Variants in ADH1C observed in about 807,000 individuals in gnomAD.
ADH1C encodes the protein alcohol dehydrogenase 1C (class I), gamma polypeptide.
ADH1C carries 26 observed loss-of-function variants against 35.0 expected under a neutral mutation model. The observed-to-expected ratio is 0.74, with a 90% CI of 0.54 to 1.03. The LOEUF (loss-of-function observed/expected upper bound fraction) is 1.03, where lower values mean the gene tolerates loss of function less well. ADH1C is among the 50% of genes least tolerant of loss of function. ADH1C has a pLI of 0.00. For missense variants in ADH1C, 413 were observed against 465.4 expected (o/e 0.89, Z 1.04); for synonymous variants, 170 against 169.3 (o/e 1.00, Z -0.03).
intron 1 of ADH1C, among the ~76,000 whole-genome samples, chr4:99,348,272 C>G (rs1389279489): frequency 8.7e-6 from 1 of 115,442 alleles, no homozygotes. Context: ...GCTATCCCTC[C>G]CCCCTCCCCC....
Position 99,347,147 on chromosome 4 carries a change from A to C in ADH1C, c.121-3T>G. On this transcript the variant is annotated splice_region_variant and splice_polypyrimidine_tract_variant and intron_variant, in intron 2 of 8. Transcript: ENST00000515683. ...CGACAGATTCCTGCAGCCACCATCT[A>C]CAGAATAAAGAGAAGATGTTTAGAT... 6.2e-7 allele frequency: 1 copy of C among 1,612,776 alleles called. No homozygotes were observed. The highest frequency in any genetic ancestry group is 8.5e-7 in the Non-Finnish European group (1 of 1,179,578).
chr4:99,346,056 A>C (rs1021195501), intron 3 of ADH1C, among the ~76,000 whole-genome samples: 32 of 152,194 alleles, frequency 2.1e-4, no homozygotes, highest in Non-Finnish European at 2.9e-5. Context: ...CTAAAACTCA[A>C]ATTGGACAGT....
At chr4:99,339,388 C>A (rs62307295) in intron 8 of ADH1C, among the ~76,000 whole-genome samples, 189 bp downstream of exon 8, 12,091 of 152,142 alleles carry the variant, frequency 0.079, 582 homozygotes, top group Non-Finnish European at 0.1. Flanking sequence ...TGCAAAGCAA[C>A]TGTTTTTAGC....
intron 6 of ADH1C, among the ~76,000 whole-genome samples, chr4:99,342,135 C>A (rs1233240521): frequency 6.6e-6 from 1 of 152,164 alleles, no homozygotes; most frequent in Non-Finnish European, 1.5e-5. Flanking sequence ...TTGTCTCATG[C>A]GTTTCATAAA....
At chr4:99,343,105 T>C (rs769564379) in intron 5 of ADH1C, 50 bp from the exon 6 acceptor site, 125 of 1,591,780 alleles carry the variant, frequency 7.9e-5, no homozygotes, top group Non-Finnish European at 1.1e-4. Flanking sequence ...TTGTTAGAAA[T>C]TGCTTAAGCT....
In ADH1C at chr4:99,347,061, A is replaced by G. The variant is rs1268021311; in HGVS notation, c.204T>C (p.His68=). The change falls in exon 3 of 9, where the codon CAT becomes CAC. Residue 68 remains histidine (H), a synonymous_variant. Coordinates refer to ENST00000515683, the MANE Select transcript of ADH1C (RefSeq NM_000669.5). ...LVTPLPVILG[H]EAAGIVESVG... Reference sequence around the variant, plus strand: ...CACTTTCCACGATGCCGGCTGCCTCATGGCCTAAAATCACAGGAAGGGGGG... The same window carrying G: ...CACTTTCCACGATGCCGGCTGCCTCGTGGCCTAAAATCACAGGAAGGGGGG... The G allele has an allele frequency of 6.2e-7, 1 of 1,613,988 alleles. No individual in the cohort carries two copies.
At position 99,340,641 on chromosome 4, in the gene ADH1C, G is replaced by C; in HGVS notation, c.898C>G (p.Gln300Glu). Residue 300 changes from glutamine to glutamate, a missense_variant, in exon 7 of 9, where the codon CAG (glutamine) becomes GAG (glutamate). Physicochemically the swap from Gln to Glu is conservative, Grantham distance 29 (BLOSUM62 2). Coordinates refer to ENST00000515683, the MANE Select transcript of ADH1C (RefSeq NM_000669.5). ...SVIVGVPPDSQNLSINPMLLL... is the reference protein window; with the variant it reads ...SVIVGVPPDSENLSINPMLLL... ...AGCATAGGGTTTATTGAGAGGTTCT[G>C]GGAATCAGGAGGTACCCCTACAATG... The C allele has an allele frequency of 6.2e-7, 1 of 1,613,730 alleles. No individual in the cohort carries two copies. The highest frequency in any genetic ancestry group is 8.5e-7 in the Non-Finnish European group (1 of 1,180,004).
At chr4:99,338,444 T>TATAC (rs1734334855) in intron 8 of ADH1C, among the ~76,000 whole-genome samples, 3 of 60,326 alleles carry the variant, frequency 5.0e-5, no homozygotes, top group African/African-American at 2.1e-4. Context: ...TATATATATA[T>TATAC]ACACACTCTT....
chr4:99,338,393 TTCTATATATATATATATATATA>T (rs1275286965), intron 8 of ADH1C, among the ~76,000 whole-genome samples: 3 of 73,090 alleles, frequency 4.1e-5, no homozygotes, highest in Admixed American at 1.2e-4. Flanking sequence ...GAATACTGTT[TTCTATATATATATATATATATA>T]TATATATATA....
At chr4:99,337,483 A>T (rs1023661530) in intron 8 of ADH1C, among the ~76,000 whole-genome samples, 23 of 152,178 alleles carry the variant, frequency 1.5e-4, no homozygotes, top group Non-Finnish European at 3.2e-4. Context: ...TCTTGTGAAG[A>T]TTAGAAATGT....
intron 1 of ADH1C, among the ~76,000 whole-genome samples, chr4:99,349,309 G>A (rs1474176014): frequency 2.0e-5 from 3 of 151,322 alleles, no homozygotes; most frequent in East Asian, 3.9e-4. Flanking sequence ...TTTGTATAAG[G>A]TGTAAGGAAG....
At chr4:99,339,186 T>C (rs1734355144) in intron 8 of ADH1C, among the ~76,000 whole-genome samples, 1 of 152,132 alleles carries the variant, frequency 6.6e-6, no homozygotes. Flanking sequence ...TAATATACAA[T>C]CATTAGATGT....
At chr4:99,341,848 T>C (rs1734422263) in intron 6 of ADH1C, among the ~76,000 whole-genome samples, 1 of 152,178 alleles carries the variant, frequency 6.6e-6, no homozygotes, top group African/African-American at 2.4e-5. Flanking sequence ...TAGTATTTCA[T>C]ATCAATAATG....
rs1384993336 is a variant in ADH1C, at chr4:99,338,393, TTCTATATATA to T, written c.1103+1174_1103+1183del. Among the ~76,000 whole-genome samples the T allele has an allele frequency of 1.4e-4, 10 of 73,090 alleles. 1 individual carries two copies. The highest frequency in any genetic ancestry group is 3.8e-4 in the African/African-American group (7 of 18,308). The allele number at this position is 73,090 out of a possible 152,430, so 47.9% of individuals were successfully genotyped here. On this transcript the variant is annotated intron_variant, in intron 8 of 8. Transcript: ENST00000515683. ...TAATTAACCTTTGATGAATACTGTT[TTCTATATATA>T]TATATATATATATATATATATATAT...
chr4:99,351,244 T>G (rs1018476104), intron 1 of ADH1C: 4 of 152,222 alleles, frequency 2.6e-5, no homozygotes, highest in Admixed American at 6.5e-5. Flanking sequence ...GGCTAATATT[T>G]ATTGACTTAT....
chr4:99,336,924 G>A (rs1322366974), intron 8 of ADH1C, 148 bp from the exon 9 acceptor site: 6 of 1,124,520 alleles, frequency 5.3e-6, no homozygotes, highest in Non-Finnish European at 7.7e-6. Flanking sequence ...TTTGGGTCAA[G>A]TCAAGTGAAG....
intron 3 of ADH1C, among the ~76,000 whole-genome samples, chr4:99,345,566 T>C (rs1734513650): frequency 6.6e-6 from 1 of 152,248 alleles, no homozygotes; most frequent in African/African-American, 2.4e-5. Context: ...CCTGGAGGCT[T>C]TGCAGATATA....
At chr4:99,349,095 G>C (rs868411846) in intron 1 of ADH1C, among the ~76,000 whole-genome samples, 4 of 142,042 alleles carry the variant, frequency 2.8e-5, no homozygotes, top group African/African-American at 1.0e-4. Context: ...CACTCTGATG[G>C]TAGTTTCTTT....
At position 99,344,943 on chromosome 4, in the gene ADH1C, A is replaced by G; in HGVS notation, c.486T>C (p.Asp162=). The change falls in exon 5 of 9, where the codon GAT becomes GAC. Residue 162 remains aspartate (D), a synonymous_variant. Transcript: ENST00000515683. ...AGACTTTCTCCAGGGGCGAGGCTGC[A>G]TCAATTTTGGCCACTGCATTCTCAT... ...VVDENAVAKI[D]AASPLEKVCL... is the part of the protein sequence containing the mutation. 1 of 1,614,192 alleles carries G rather than the reference A, an allele frequency of 6.2e-7. No individual in the cohort carries two copies. The highest frequency in any genetic ancestry group is 8.5e-7 in the Non-Finnish European group (1 of 1,180,034).
Sources: gnomAD v4.1 joint callset for allele counts (sites outside exome capture counted in the v4.1 genomes callset) on GRCh38, gnomAD v4.1.1 for gene constraint, MANE v1.5 for transcripts, NCBI Gene and HGNC (gene_info 2026-07-23, HGNC 2026-07-21) for gene names.